PID1: variants seen among roughly 807,000 people sequenced by gnomAD.
The protein encoded by PID1 is PTB-containing, cubilin and LRP1-interacting protein.
In PID1, 10 loss-of-function variants were observed where a neutral mutation model predicts 19.1. The ratio of observed to expected loss-of-function variants is 0.52; its 90% CI spans 0.32 to 0.89. The LOEUF is 0.89. Among genes scored for constraint, PID1 ranks in the 40% least tolerant of loss-of-function variants. PID1 has a pLI of 0.03. For synonymous variants in PID1, 130 were observed against 116.0 expected, an observed-to-expected ratio of 1.12 and a Z score of -0.78; for missense variants, 248 against 285.3, an observed-to-expected ratio of 0.87 and a Z score of 0.94.
At chr2:229,138,856 G>T in intron 2 of PID1, among the ~76,000 whole-genome samples, 1 of 132,130 alleles carries the variant, frequency 7.6e-6, no homozygotes. Context: ...ACATACGAAT[G>T]TAGAAGGAGG....
Position 229,212,749 on chromosome 2 carries a change from C to T in PID1, c.31-56785G>A, listed in dbSNP as rs535971872. Among the ~76,000 whole-genome samples, 4 of 152,188 alleles carry T rather than the reference C, an allele frequency of 2.6e-5. No homozygotes were observed. In the East Asian group the frequency reaches 7.7e-4, roughly 29 times the overall value. The stretch of plus-strand genomic sequence containing the variant: ...GTAGTTAATAATTAAGTAATATTGT[C>T]CCCATTTCACATGTGAGAAAATTGA... On this transcript the variant is annotated intron_variant, in intron 1 of 2. Transcript: ENST00000392055.
intron 2 of PID1, among the ~76,000 whole-genome samples, chr2:229,131,609 T>C (rs1689742996): frequency 6.6e-6 from 1 of 152,184 alleles, no homozygotes; most frequent in African/African-American, 2.4e-5. Context: ...TGGCTAAAGT[T>C]TAGAAGTATT....
At chr2:229,068,398 A>G (rs1694375796) in intron 2 of PID1, among the ~76,000 whole-genome samples, 1 of 152,174 alleles carries the variant, frequency 6.6e-6, no homozygotes, top group African/African-American at 2.4e-5. Flanking sequence ...AATGTCTTAC[A>G]AAAGTAGACT....
At chr2:229,199,039 T>C (rs1232406443) in intron 1 of PID1, among the ~76,000 whole-genome samples, 1 of 152,036 alleles carries the variant, frequency 6.6e-6, no homozygotes, top group Non-Finnish European at 1.5e-5. Flanking sequence ...CTCATTTTCC[T>C]CCTCTGTTCT....
intron 2 of PID1, among the ~76,000 whole-genome samples, chr2:229,035,417 GAT>G (rs1693640724): frequency 6.6e-6 from 1 of 151,830 alleles, no homozygotes; most frequent in Non-Finnish European, 1.5e-5. Flanking sequence ...TTATTTTAAA[GAT>G]ATGTCTGTCT....
chr2:229,251,238 G>A (rs1466803524), intron 1 of PID1, among the ~76,000 whole-genome samples: 1 of 150,908 alleles, frequency 6.6e-6, no homozygotes, highest in Non-Finnish European at 1.5e-5. Flanking sequence ...AAGCACACAA[G>A]ATTTGAAAAG....
chr2:229,123,290 A>G (rs971226230), intron 2 of PID1, among the ~76,000 whole-genome samples: 13 of 152,194 alleles, frequency 8.5e-5, no homozygotes, highest in African/African-American at 2.7e-4. Context: ...GTCATTTGTG[A>G]CTAGCTTCAT....
At chr2:229,166,832 G>A (rs533266130) in intron 1 of PID1, among the ~76,000 whole-genome samples, 3 of 152,206 alleles carry the variant, frequency 2.0e-5, no homozygotes, top group Admixed American at 2.0e-4. Context: ...TCGGATGAAC[G>A]CTGGGAATAA....
intron 1 of PID1, among the ~76,000 whole-genome samples, chr2:229,180,000 A>G (rs1467199817): frequency 6.6e-6 from 1 of 152,204 alleles, no homozygotes; most frequent in Non-Finnish European, 1.5e-5. Flanking sequence ...CACCAACACA[A>G]GAGCCAAGTC....
chr2:229,254,051 T>C (rs1181932828), intron 1 of PID1, among the ~76,000 whole-genome samples: 1 of 152,108 alleles, frequency 6.6e-6, no homozygotes, highest in South Asian at 2.1e-4. Flanking sequence ...CTTTGTCTTT[T>C]TGTCACCCTG....
rs2106153806 is a variant in PID1 at position 229,116,000 on chromosome 2, C to A, written c.177+39818G>T. On this transcript the variant is annotated intron_variant, in intron 2 of 2. Transcript: ENST00000392055. The stretch of plus-strand genomic sequence containing the variant: ...CTTTGGGAGGCCGAAGTGGGCAGAT[C>A]ACGAGTTCAGGAGATGGAGACGACC... Among the ~76,000 whole-genome samples the A allele has an allele frequency of 1.3e-5, 2 of 152,064 alleles. 1 individual carries two copies. Among genetic ancestry groups the A allele is most frequent in the Middle Eastern group, 6.8e-3 (2 of 294 alleles).
At chr2:229,221,383 C>A (rs981399058) in intron 1 of PID1, among the ~76,000 whole-genome samples, 9 of 152,200 alleles carry the variant, frequency 5.9e-5, no homozygotes, top group African/African-American at 1.2e-4. Context: ...TCCACTGTAA[C>A]CTGCATGGTC....
At chr2:229,042,662 T>G (rs1242283934) in intron 2 of PID1, among the ~76,000 whole-genome samples, 1 of 152,198 alleles carries the variant, frequency 6.6e-6, no homozygotes, top group Non-Finnish European at 1.5e-5. Context: ...GGCAATAAAA[T>G]CTGTGACCAC....
intron 2 of PID1, among the ~76,000 whole-genome samples, chr2:229,106,426 A>T (rs1427196574): frequency 6.6e-6 from 1 of 152,204 alleles, no homozygotes; most frequent in African/African-American, 2.4e-5. Flanking sequence ...ATTCTTTTGC[A>T]GCAATTGTGG....
chr2:229,099,171 T>C (rs1695029322), intron 2 of PID1, among the ~76,000 whole-genome samples: 2 of 152,212 alleles, frequency 1.3e-5, no homozygotes, highest in East Asian at 1.9e-4. Context: ...TCTTGTGCTG[T>C]ACAATCAGGG....
At chr2:229,210,134 G>T (rs1401653785) in intron 1 of PID1, among the ~76,000 whole-genome samples, 8 of 145,186 alleles carry the variant, frequency 5.5e-5, no homozygotes, top group African/African-American at 2.0e-4. Flanking sequence ...GCGACTACTT[G>T]AACTTAAAAA....
intron 1 of PID1, among the ~76,000 whole-genome samples, chr2:229,263,885 C>G (rs1690524126): frequency 6.6e-6 from 1 of 152,286 alleles, no homozygotes; most frequent in Non-Finnish European, 1.5e-5. Context: ...GTGCTGGGAA[C>G]ACAGTAAATA....
At chr2:229,217,138 G>C (rs185521362) in intron 1 of PID1, among the ~76,000 whole-genome samples, 117 of 152,310 alleles carry the variant, frequency 7.7e-4, no homozygotes, top group African/African-American at 2.8e-3. Context: ...ACTGGGGACA[G>C]AGCCCATTTT....
At chr2:229,158,275 A>G (rs1339042748) in intron 1 of PID1, among the ~76,000 whole-genome samples, 3 of 152,218 alleles carry the variant, frequency 2.0e-5, no homozygotes, top group Non-Finnish European at 4.4e-5. Context: ...TGCTTTTTGA[A>G]TAAGAAACAC....
Sources: gnomAD v4.1 joint callset for allele counts (sites outside exome capture counted in the v4.1 genomes callset) on GRCh38, gnomAD v4.1.1 for gene constraint, MANE v1.5 for transcripts, NCBI Gene and HGNC (gene_info 2026-07-23, HGNC 2026-07-21) for gene names.